The following MOXD1 variants were observed in gnomAD, a reference collection of about 807,000 sequenced individuals.
The protein encoded by MOXD1 is DBH-like monooxygenase protein 1.
MOXD1 carries 62 observed loss-of-function variants against 66.6 expected under a neutral mutation model. The ratio of observed to expected loss-of-function variants is 0.93; its 90% CI spans 0.76 to 1.15. The LOEUF is 1.15. Ranked by LOEUF, MOXD1 falls within the 50% of genes most tolerant of loss-of-function variation. The pLI is 0.00. For missense variants in MOXD1, 847 were observed against 754.6 expected (o/e 1.12, Z -1.44); for synonymous variants, 303 against 281.9 (o/e 1.07, Z -0.75).
intron 1 of MOXD1, chr6:132,375,178 C>T (rs1776353309): frequency 4.5e-6 from 1 of 222,382 alleles, no homozygotes; most frequent in Non-Finnish European, 8.8e-6. Context: ...CTAAGGTCAT[C>T]ACTCTTTCCA....
intron 10 of MOXD1, among the ~76,000 whole-genome samples, chr6:132,306,499 G>GA: frequency 6.6e-6 from 1 of 152,188 alleles, no homozygotes; most frequent in East Asian, 1.9e-4. Context: ...TGCAAATCAG[G>GA]AAATACAGAG....
At chr6:132,393,631 G>C (rs1468743088) in intron 1 of MOXD1, among the ~76,000 whole-genome samples, 1 of 152,112 alleles carries the variant, frequency 6.6e-6, no homozygotes. Flanking sequence ...CATTGTTCTA[G>C]ACAGGGAGCT....
chr6:132,328,400 A>G lies in MOXD1; in HGVS notation c.843+15T>C, dbSNP rs767702851. 1 of 1,613,274 alleles carries G rather than the reference A, an allele frequency of 6.2e-7. No individual in the cohort carries two copies. Among genetic ancestry groups the G allele is most frequent in the Non-Finnish European group, 8.5e-7 (1 of 1,179,476 alleles). On this transcript the variant is annotated intron_variant, in intron 5 of 11. Transcript: ENST00000367963. ...TCAGTTAATTGTGTTACATCTCAGT[A>G]ATCATTAGCCCCACCTCTCCACCAA...
chr6:132,322,974 G>T, intron 7 of MOXD1, 104 bp from the exon 8 acceptor site: 1 of 1,025,558 alleles, frequency 9.8e-7, no homozygotes, highest in South Asian at 2.0e-5. Flanking sequence ...AAAAGCTAAA[G>T]CAATTTAAAT....
At chr6:132,323,852 G>T in intron 7 of MOXD1, 79 bp downstream of exon 7, 1 of 1,387,584 alleles carries the variant, frequency 7.2e-7, no homozygotes, top group Non-Finnish European at 9.6e-7. Context: ...TAATAAACAT[G>T]TGCGGAATTT....
At chr6:132,342,016 T>C (rs1775573304) in intron 4 of MOXD1, among the ~76,000 whole-genome samples, 1 of 149,490 alleles carries the variant, frequency 6.7e-6, no homozygotes, top group East Asian at 2.0e-4. Context: ...TTTTTTTTTT[T>C]CTTTGAGATG....
chr6:132,323,005 A>T, intron 7 of MOXD1, 135 bp from the exon 8 acceptor site: 1 of 811,664 alleles, frequency 1.2e-6, no homozygotes, highest in Middle Eastern at 2.4e-4. Flanking sequence ...ACTGAAAAAG[A>T]GTTTGAATTC....
chr6:132,303,817 G>GTA (rs1193762898), intron 10 of MOXD1, among the ~76,000 whole-genome samples: 1 of 62,706 alleles, frequency 1.6e-5, no homozygotes, highest in Non-Finnish European at 3.3e-5. Context: ...ATGTGTGTGT[G>GTA]TGTGTGTGTG....
rs151333988 is a variant in MOXD1 at position 132,326,665 on chromosome 6, T to C, written c.946+1348A>G. 4.1e-3 allele frequency among the ~76,000 whole-genome samples: 618 copies of C among 152,254 alleles called. 3 individuals carry two copies. Among genetic ancestry groups the C allele is most frequent in the African/African-American group, 0.012 (515 of 41,552 alleles). On this transcript the variant is annotated intron_variant, in intron 6 of 11. Transcript: ENST00000367963. ...ACTTTTAGAATTTATTAATAGGTTA[T>C]TTTGCTTGGTTTATGAAAGTTTTAA... is the stretch of plus-strand genomic sequence containing the variant.
chr6:132,385,461 AATT>A (rs71030795), intron 1 of MOXD1, among the ~76,000 whole-genome samples: 10,464 of 133,496 alleles, frequency 0.078, 859 homozygotes, highest in African/African-American at 0.22. Context: ...AATATACTGA[AATT>A]ATTATTATTA....
chr6:132,385,506 C>T (rs1776612202), intron 1 of MOXD1, among the ~76,000 whole-genome samples: 1 of 134,258 alleles, frequency 7.4e-6, no homozygotes, highest in South Asian at 2.5e-4. Context: ...TTATTAGAGA[C>T]ACAGTTTCAC....
At chr6:132,390,639 C>T (rs1582611837) in intron 1 of MOXD1, 1 of 151,674 alleles carries the variant, frequency 6.6e-6, no homozygotes, top group East Asian at 1.9e-4. Context: ...TTCCAACATT[C>T]TGAGTACTTT....
chr6:132,332,712 C>T (rs1403882699), intron 4 of MOXD1, among the ~76,000 whole-genome samples: 1 of 152,188 alleles, frequency 6.6e-6, no homozygotes, highest in East Asian at 1.9e-4. Flanking sequence ...GCTTACAAAG[C>T]CTGATCAAGC....
chr6:132,352,688 T>C (rs1775826325), intron 4 of MOXD1, among the ~76,000 whole-genome samples: 2 of 152,336 alleles, frequency 1.3e-5, no homozygotes, highest in African/African-American at 2.4e-5. Context: ...TGTTTCTTTG[T>C]TGACTTTGTC....
chr6:132,302,241 C>T (rs1442215388), intron 10 of MOXD1, among the ~76,000 whole-genome samples: 3 of 152,070 alleles, frequency 2.0e-5, no homozygotes, highest in Non-Finnish European at 2.9e-5. Context: ...GTTGACTACA[C>T]GGAGTAAACA....
chr6:132,297,451 G>A (rs1774428924), intron 11 of MOXD1, 134 bp from the exon 12 acceptor site: 1 of 901,454 alleles, frequency 1.1e-6, no homozygotes, highest in Non-Finnish European at 1.7e-6. Context: ...CACACACTGG[G>A]GGAGTCAGAA....
Position 132,372,698 on chromosome 6 carries a change from T to G in MOXD1, c.580-7A>C. On this transcript the variant is annotated splice_region_variant and splice_polypyrimidine_tract_variant and intron_variant, in intron 3 of 11. Coordinates refer to ENST00000367963, the MANE Select transcript of MOXD1 (RefSeq NM_015529.4). ...CTTTGTTTGGGATGGGGACCTGTCT[T>G]AATAAAAAGGGGAGGAAGACACAAA... is the stretch of plus-strand genomic sequence containing the variant. The G allele has an allele frequency of 6.2e-7, 1 of 1,613,108 alleles. No homozygotes were observed. The highest frequency in any genetic ancestry group is 1.3e-5 in the African/African-American group (1 of 75,016).
intron 9 of MOXD1, 58 bp downstream of exon 9, chr6:132,320,571 T>C: frequency 7.1e-7 from 1 of 1,405,298 alleles, no homozygotes; most frequent in Non-Finnish European, 9.7e-7. Flanking sequence ...TCTTCTAAAA[T>C]CAAGTTTATT....
intron 4 of MOXD1, among the ~76,000 whole-genome samples, chr6:132,343,127 A>C (rs534964918): frequency 1.3e-5 from 2 of 152,386 alleles, no homozygotes; most frequent in African/African-American, 4.8e-5. Flanking sequence ...CATTAAACTA[A>C]GGAAAGATAA....
Sources: gnomAD v4.1 joint callset for allele counts (sites outside exome capture counted in the v4.1 genomes callset) on GRCh38, gnomAD v4.1.1 for gene constraint, MANE v1.5 for transcripts, NCBI Gene and HGNC (gene_info 2026-07-23, HGNC 2026-07-21) for gene names.